Variants in PRKCB observed in about 807,000 individuals in gnomAD.
PRKCB encodes the protein protein kinase C beta, also known as protein kinase C beta type.
PRKCB carries 13 observed loss-of-function variants against 81.5 expected under a neutral mutation model. That is an observed-to-expected ratio of 0.16 (90% CI 0.10 to 0.25). The LOEUF (loss-of-function observed/expected upper bound fraction) is 0.25. PRKCB is among the 10% of genes least tolerant of loss of function. The probability of loss-of-function intolerance (pLI) is 1.00; values close to 1 mark genes in which losing one functional copy is unlikely to be tolerated. For synonymous variants in PRKCB, 335 were observed against 321.4 expected (o/e 1.04, Z -0.45); for missense variants, 509 against 875.7 (o/e 0.58, Z 5.29).
intron 5 of PRKCB, among the ~76,000 whole-genome samples, chr16:24,078,661 A>G (rs548186790): frequency 6.6e-6 from 1 of 152,292 alleles, no homozygotes; most frequent in Non-Finnish European, 1.5e-5. Flanking sequence ...CAGTGGTGAC[A>G]TTGTCCACAC....
At chr16:24,155,954 A>G (rs1967149646) in intron 10 of PRKCB, among the ~76,000 whole-genome samples, 1 of 152,156 alleles carries the variant, frequency 6.6e-6, no homozygotes, top group Non-Finnish European at 1.5e-5. Context: ...TGGCAAGACC[A>G]TAGATGGTGA....
intron 2 of PRKCB, among the ~76,000 whole-genome samples, chr16:23,944,061 T>C (rs1484865488): frequency 1.3e-5 from 2 of 152,186 alleles, no homozygotes; most frequent in African/African-American, 2.4e-5. Flanking sequence ...AATCTCATTT[T>C]AGGAGAGAAA....
At chr16:23,854,873 A>T (rs1411184769) in intron 2 of PRKCB, among the ~76,000 whole-genome samples, 1 of 152,166 alleles carries the variant, frequency 6.6e-6, no homozygotes, top group Non-Finnish European at 1.5e-5. Flanking sequence ...AATGAACTTG[A>T]TCAAAGGCAG....
At chr16:24,129,837 T>C (rs1966850732) in intron 9 of PRKCB, among the ~76,000 whole-genome samples, 1 of 152,246 alleles carries the variant, frequency 6.6e-6, no homozygotes, top group South Asian at 2.1e-4. Flanking sequence ...ATTCCTTTTA[T>C]GTAATATACT....
At chr16:23,839,695 C>T (rs954641571) in intron 2 of PRKCB, among the ~76,000 whole-genome samples, 7 of 152,156 alleles carry the variant, frequency 4.6e-5, no homozygotes, top group African/African-American at 1.7e-4. Flanking sequence ...TGAATCCTAG[C>T]TTTGAGACTT....
In PRKCB at chr16:24,215,912, A is replaced by G. The variant is rs1282038217; in HGVS notation, c.*1096A>G. The G allele has an allele frequency of 4.1e-6, 4 of 985,210 alleles. No individual in the cohort carries two copies. Among genetic ancestry groups the G allele is most frequent in the Non-Finnish European group, 4.8e-6 (4 of 829,902 alleles). The allele number at this position is 985,210 out of a possible 1,614,324, so 61.0% of individuals were successfully genotyped here. A position where few individuals can be genotyped will look rare whatever the true frequency, so the allele number is the denominator to read the frequency against. On this transcript the variant is annotated 3_prime_UTR_variant, in exon 17 of 17. Transcript: ENST00000643927. ...TTCCTCACTTTGATGTTGTTTTGCA[A>G]GATGTTTGTGGAAATGTTCATTTGT...
chr16:24,171,931 T>C (rs1437500332), intron 10 of PRKCB, among the ~76,000 whole-genome samples: 1 of 151,972 alleles, frequency 6.6e-6, no homozygotes, highest in South Asian at 2.1e-4. Context: ...TCAGTAGAGA[T>C]GGAGTTTTGC....
intron 3 of PRKCB, among the ~76,000 whole-genome samples, chr16:24,001,594 C>T (rs540706355): frequency 6.6e-6 from 1 of 152,172 alleles, no homozygotes; most frequent in South Asian, 2.1e-4. Flanking sequence ...TCAATTTTGT[C>T]TCAAAAAGAA....
At chr16:24,022,123 C>T (rs1965413213) in intron 3 of PRKCB, among the ~76,000 whole-genome samples, 1 of 152,050 alleles carries the variant, frequency 6.6e-6, no homozygotes. Flanking sequence ...AGGGGTGATG[C>T]TGCGGCAGGA....
Position 24,138,921 on chromosome 16 carries a change from C to T in PRKCB, c.1065+14940C>T, listed in dbSNP as rs139071227. ...AGGCTAGAGTGCAATGGCACAATCT[C>T]GGCTCACTGCAACCTCACCTCCCAG... On this transcript the variant is annotated intron_variant, in intron 9 of 16. Transcript: ENST00000643927. 3.6e-3 allele frequency among the ~76,000 whole-genome samples: 520 copies of T among 143,030 alleles called. 6 individuals are homozygous for T. Among genetic ancestry groups the T allele is most frequent in the African/African-American group, 0.013 (502 of 37,998 alleles). The allele number at this position is 143,030 out of a possible 152,430, so 93.8% of individuals were successfully genotyped here. A position where few individuals can be genotyped will look rare whatever the true frequency, so the allele number is the denominator to read the frequency against.
At chr16:24,057,203 G>A (rs1478306495) in intron 5 of PRKCB, among the ~76,000 whole-genome samples, 1 of 152,210 alleles carries the variant, frequency 6.6e-6, no homozygotes, top group Non-Finnish European at 1.5e-5. Context: ...TTGGGAATGG[G>A]AAGGGCCAAC....
intron 5 of PRKCB, among the ~76,000 whole-genome samples, chr16:24,083,435 A>G (rs1966274339): frequency 6.6e-6 from 1 of 152,252 alleles, no homozygotes; most frequent in Non-Finnish European, 1.5e-5. Flanking sequence ...CCACTGAAAT[A>G]TTCTTTAACA....
intron 2 of PRKCB, among the ~76,000 whole-genome samples, chr16:23,871,348 T>C (rs747496367): frequency 1.2e-4 from 19 of 152,186 alleles, no homozygotes; most frequent in Non-Finnish European, 2.8e-4. Context: ...AGGATTTGCC[T>C]GCCCAGCAGA....
At chr16:24,096,663 AAAAAT>A (rs1451488635) in intron 7 of PRKCB, among the ~76,000 whole-genome samples, 18 of 49,636 alleles carry the variant, frequency 3.6e-4, no homozygotes, top group South Asian at 1.4e-3. Context: ...AAAAAAAAAA[AAAAAT>A]ATATATATAT....
chr16:24,050,739 C>T lies in PRKCB; in HGVS notation c.529+15192C>T, dbSNP rs28572224. 7.0e-3 allele frequency among the ~76,000 whole-genome samples: 1,065 copies of T among 152,288 alleles called. 13 individuals are homozygous for T. Among genetic ancestry groups the T allele is most frequent in the African/African-American group, 0.023 (974 of 41,542 alleles). On this transcript the variant is annotated intron_variant, in intron 5 of 16. Transcript: ENST00000643927. ...CTAACAATTGGCAAATGTGTCATGA[C>T]CCGCCGCTTGAAAAACACTGTCCTA...
chr16:23,846,341 G>A (rs1353271490), intron 2 of PRKCB, among the ~76,000 whole-genome samples: 1 of 152,024 alleles, frequency 6.6e-6, no homozygotes, highest in Non-Finnish European at 1.5e-5. Flanking sequence ...TGGGTATGGT[G>A]GCTCATGCCT....
At chr16:23,962,360 T>A (rs1264876842) in intron 2 of PRKCB, among the ~76,000 whole-genome samples, 2 of 152,196 alleles carry the variant, frequency 1.3e-5, no homozygotes, top group African/African-American at 4.8e-5. Context: ...CCCACCTAAT[T>A]TCCAGCCCCA....
At chr16:23,898,378 T>C (rs546448578) in intron 2 of PRKCB, among the ~76,000 whole-genome samples, 24 of 152,232 alleles carry the variant, frequency 1.6e-4, no homozygotes, top group African/African-American at 5.5e-4. Flanking sequence ...TGTCTAATAT[T>C]TAATTGAGTG....
chr16:24,199,998 T>A (rs1162022412), intron 16 of PRKCB, among the ~76,000 whole-genome samples: 4 of 152,250 alleles, frequency 2.6e-5, no homozygotes, highest in Non-Finnish European at 5.9e-5. Context: ...TTCTTACAAT[T>A]CAAATGATTT....
Sources: gnomAD v4.1 joint callset for allele counts (sites outside exome capture counted in the v4.1 genomes callset) on GRCh38, gnomAD v4.1.1 for gene constraint, MANE v1.5 for transcripts, NCBI Gene and HGNC (gene_info 2026-07-23, HGNC 2026-07-21) for gene names.